Variants in ACAA2 observed in about 807,000 individuals in gnomAD.
The protein encoded by ACAA2 is 3-ketoacyl-CoA thiolase, mitochondrial.
ACAA2 carries 35 observed loss-of-function variants against 44.8 expected under a neutral mutation model. That is an observed-to-expected ratio of 0.78 (90% CI 0.60 to 1.04). The LOEUF (loss-of-function observed/expected upper bound fraction) is 1.04. Among genes scored for constraint, ACAA2 ranks in the 50% least tolerant of loss-of-function variants. The probability of loss-of-function intolerance (pLI) is 0.00; values close to 1 mark genes in which losing one functional copy is unlikely to be tolerated. For missense variants in ACAA2, 468 were observed against 482.6 expected (o/e 0.97, Z 0.28); for synonymous variants, 142 against 166.5 (o/e 0.85, Z 1.13).
chr18:49,787,242 A>ATGGTT, intron 8 of ACAA2, 49 bp downstream of exon 8: 1 of 1,281,024 alleles, frequency 7.8e-7, no homozygotes, highest in Non-Finnish European at 1.0e-6. Flanking sequence ...ATAAAAGTAC[A>ATGGTT]TGGTTTATTC....
intron 1 of ACAA2, among the ~76,000 whole-genome samples, chr18:49,805,367 C>A (rs2023599417): frequency 1.3e-5 from 2 of 152,064 alleles, no homozygotes; most frequent in South Asian, 4.1e-4. Context: ...ATATATATAA[C>A]TATAATTTAG....
intron 1 of ACAA2, chr18:49,812,738 C>G (rs891610490): frequency 1.3e-5 from 2 of 152,194 alleles, no homozygotes; most frequent in African/African-American, 4.8e-5. Context: ...CTTACAGAGC[C>G]CACAGGGCCC....
chr18:49,787,338 C>A lies in ACAA2; in HGVS notation c.907G>T (p.Ala303Ser). The A allele has an allele frequency of 2.7e-6, 4 of 1,471,218 alleles. No individual in the cohort carries two copies. The South Asian group carries it at 5.8e-5, about 21-fold the overall frequency. The allele number at this position is 1,471,218 out of a possible 1,614,324, so 91.1% of individuals were successfully genotyped here. ...AGACTCAGTCCTGCTTTCTTCAGTGCCCCACTGATAGCAGGGACAGGACCT... is the reference window on the plus strand; with the variant it reads ...AGACTCAGTCCTGCTTTCTTCAGTGACCCACTGATAGCAGGGACAGGACCT... ...GIGPVPAISG[A>S]LKKAGLSLKD... Residue 303 changes from alanine (A) to serine (S), a missense_variant, in exon 8 of 10, where the codon GCA becomes TCA. By Grantham distance (99) the Ala-to-Ser change is moderately conservative. Coordinates refer to ENST00000285093, the MANE Select transcript of ACAA2 (RefSeq NM_006111.3).
At chr18:49,811,253 C>CA (rs1297996588) in intron 1 of ACAA2, 1 of 152,118 alleles carries the variant, frequency 6.6e-6, no homozygotes, top group Non-Finnish European at 1.5e-5. Context: ...AGGAAAGAAA[C>CA]AGGAGCACTA....
At chr18:49,800,236 C>T (rs1333989984) in intron 2 of ACAA2, among the ~76,000 whole-genome samples, 9 of 146,210 alleles carry the variant, frequency 6.2e-5, no homozygotes, top group Middle Eastern at 3.6e-3. Context: ...GTCAGCCCCC[C>T]GCCCGGCCAG....
chr18:49,785,516 TAAA>T, intron 8 of ACAA2, 165 bp from the exon 9 acceptor site: 1 of 666,916 alleles, frequency 1.5e-6, no homozygotes, highest in Non-Finnish European at 2.5e-6. Context: ...CTATCAGGTT[TAAA>T]ATGTGTATAT....
intron 3 of ACAA2, 63 bp downstream of exon 3, chr18:49,797,403 G>A: frequency 1.4e-6 from 2 of 1,477,058 alleles, no homozygotes; most frequent in Admixed American, 3.8e-5. Context: ...ATATTGCAGT[G>A]GGACATTTCT....
intron 7 of ACAA2, among the ~76,000 whole-genome samples, chr18:49,789,081 C>A (rs1405878134): frequency 1.3e-5 from 2 of 152,196 alleles, no homozygotes; most frequent in African/African-American, 4.8e-5. Flanking sequence ...CACCCACCAA[C>A]CTCTACCATT....
Position 49,797,529 on chromosome 18 carries a change from G to C in ACAA2, c.249C>G (p.Thr83=), listed in dbSNP as rs1257416556. The C allele has an allele frequency of 1.9e-6, 3 of 1,611,832 alleles. No homozygotes were observed. The highest frequency in any genetic ancestry group is 2.5e-6 in the Non-Finnish European group (3 of 1,179,466). ...AGAGCCTATTAATCGTGAGAGCTGG[G>C]GTCTCCTTTGGGATTCCCACACGCA... ...VGLRVGIPKE[T]PALTINRLCG... The change falls in exon 3 of 10, where the codon ACC becomes ACG. Residue 83 remains threonine, a synonymous_variant. Transcript: ENST00000285093.
chr18:49,794,271 T>C lies in ACAA2; in HGVS notation c.577+9A>G. ...TCTATAGATACTGATACTTTCCAGT[T>C]TCACTCACCAGCTTTCCATCTCTGC... On this transcript the variant is annotated intron_variant, in intron 5 of 9. Transcript: ENST00000285093. 1 of 1,591,798 alleles carries C rather than the reference T, an allele frequency of 6.3e-7. No homozygotes were observed. Among genetic ancestry groups the C allele is most frequent in the South Asian group, 1.2e-5 (1 of 86,858 alleles).
chr18:49,784,380 A>G (rs976304513), intron 9 of ACAA2, among the ~76,000 whole-genome samples: 2 of 152,200 alleles, frequency 1.3e-5, no homozygotes, highest in African/African-American at 4.8e-5. Flanking sequence ...GAAGAAATGT[A>G]ATTAATAAAG....
intron 2 of ACAA2, among the ~76,000 whole-genome samples, chr18:49,802,009 T>C (rs2023555867): frequency 6.6e-6 from 1 of 152,208 alleles, no homozygotes; most frequent in Middle Eastern, 3.4e-3. Context: ...AGCATCTTAT[T>C]TCTTACAACA....
chr18:49,807,096 C>G (rs531642715), intron 1 of ACAA2, among the ~76,000 whole-genome samples: 1 of 152,116 alleles, frequency 6.6e-6, no homozygotes, highest in Non-Finnish European at 1.5e-5. Flanking sequence ...GGCAAAAATG[C>G]GTCAACTTTG....
chr18:49,797,706 G>T, intron 2 of ACAA2, 112 bp from the exon 3 acceptor site: 2 of 843,498 alleles, frequency 2.4e-6, no homozygotes, highest in Non-Finnish European at 3.5e-6. Flanking sequence ...AAACTATATG[G>T]CTCTAAGGTA....
intron 3 of ACAA2, 43 bp downstream of exon 3, chr18:49,797,423 T>C (rs1228866537): frequency 6.4e-7 from 1 of 1,566,638 alleles, no homozygotes; most frequent in African/African-American, 1.4e-5. Flanking sequence ...TTCTAGTAAC[T>C]ATTAACATAT....
At position 49,795,837 on chromosome 18, in the gene ACAA2, G is replaced by C. The variant is rs147179328; in HGVS notation, c.357C>G (p.Thr119=). Reference sequence around the variant, plus strand: ...AGTAGGGAGCTTGGCTCATGCTTTCGGTTCCTCCACATAAAACAACTTCAG... The same window carrying C: ...AGTAGGGAGCTTGGCTCATGCTTTCCGTTCCTCCACATAAAACAACTTCAG... ...KEAEVVLCGG[T]ESMSQAPYCV... is the part of the protein sequence containing the mutation. The change falls in exon 4 of 10, where the codon ACC becomes ACG. Residue 119 remains threonine (T), a synonymous_variant. Coordinates refer to ENST00000285093, the MANE Select transcript of ACAA2 (RefSeq NM_006111.3). 5.0e-4 allele frequency: 800 copies of C among 1,610,926 alleles called. 1 individual carries two copies. Among genetic ancestry groups the C allele is most frequent in the Admixed American group, 1.4e-3 (85 of 59,608 alleles).
Position 49,797,526 on chromosome 18 carries a change from TG to T in ACAA2, c.251del (p.Pro84GlnfsTer17), listed in dbSNP as rs765362158. On this transcript the variant is annotated frameshift_variant, in exon 3 of 10. Coordinates refer to ENST00000285093, the MANE Select transcript of ACAA2 (RefSeq NM_006111.3). LOFTEE classifies it high-confidence loss of function. Reference sequence around the variant, plus strand: ...CACAGAGCCTATTAATCGTGAGAGCTGGGGTCTCCTTTGGGATTCCCACACG... The same window carrying T: ...CACAGAGCCTATTAATCGTGAGAGCTGGGTCTCCTTTGGGATTCCCACACG... ...GLRVGIPKET[P>X]ALTINRLCGS... The T allele has an allele frequency of 1.9e-6, 3 of 1,612,268 alleles. No individual in the cohort carries two copies. The African/African-American group carries it at 4.0e-5, about 21-fold the overall frequency.
At chr18:49,787,014 T>A (rs1431282984) in intron 8 of ACAA2, among the ~76,000 whole-genome samples, 1 of 152,180 alleles carries the variant, frequency 6.6e-6, no homozygotes, top group Non-Finnish European at 1.5e-5. Context: ...GTAACAGTTT[T>A]ATAAAGTAGT....
At chr18:49,800,175 TG>T (rs560673879) in intron 2 of ACAA2, among the ~76,000 whole-genome samples, 14 of 21,152 alleles carry the variant, frequency 6.6e-4, no homozygotes, top group Middle Eastern at 0.05. Context: ...GGGAGGGAGG[TG>T]GGGGGTCAGC....
Sources: allele counts gnomAD v4.1 joint callset (sites outside exome capture counted in the v4.1 genomes callset), GRCh38; gene constraint gnomAD v4.1.1; transcripts MANE v1.5; gene names NCBI Gene and HGNC (gene_info 2026-07-23, HGNC 2026-07-21).